IQSEC1: variants seen among roughly 807,000 people sequenced by gnomAD.
The protein encoded by IQSEC1 is IQ motif and Sec7 domain ArfGEF 1.
A neutral mutation model predicts 91.0 loss-of-function variants in IQSEC1; 31 were observed. That is an observed-to-expected ratio of 0.34 (90% CI 0.26 to 0.46). The LOEUF is 0.46. IQSEC1 is among the 20% of genes least tolerant of loss of function. The pLI, the probability that IQSEC1 is intolerant of heterozygous loss-of-function variation, is 1.00. For synonymous variants in IQSEC1, 699 were observed against 662.6 expected (o/e 1.05, Z -0.84); for missense variants, 1,388 against 1,575.6 (o/e 0.88, Z 2.02).
chr3:12,919,316 G>A (rs1696394591), intron 6 of IQSEC1, among the ~76,000 whole-genome samples: 1 of 152,216 alleles, frequency 6.6e-6, no homozygotes, highest in Non-Finnish European at 1.5e-5. Context: ...CTGTCCATGA[G>A]CTCTAAGCCA....
At chr3:13,102,235 A>T (rs1706078132) in intron 2 of IQSEC1, among the ~76,000 whole-genome samples, 1 of 152,130 alleles carries the variant, frequency 6.6e-6, no homozygotes, top group Non-Finnish European at 1.5e-5. Flanking sequence ...GGAGTCAGTG[A>T]TGGAGCCACT....
At chr3:12,931,623 T>A (rs56285367) in intron 3 of IQSEC1, among the ~76,000 whole-genome samples, 1 of 152,212 alleles carries the variant, frequency 6.6e-6, no homozygotes, top group African/African-American at 2.4e-5. Context: ...AGGGGTACTC[T>A]CTGAGCCCTG....
chr3:13,175,110 T>C (rs938139208), intron 1 of IQSEC1, among the ~76,000 whole-genome samples: 2 of 152,062 alleles, frequency 1.3e-5, no homozygotes, highest in Non-Finnish European at 1.5e-5. Flanking sequence ...ACCAGATGGA[T>C]CCCTGGAAGT....
intron 1 of IQSEC1, chr3:12,995,116 G>A (rs531591729): frequency 6.6e-6 from 1 of 152,368 alleles, no homozygotes; most frequent in East Asian, 1.9e-4. Context: ...GTCAGGTGGC[G>A]GGCTGCGATT....
intron 2 of IQSEC1, among the ~76,000 whole-genome samples, chr3:13,087,412 G>T (rs1307137012): frequency 6.6e-6 from 1 of 152,182 alleles, no homozygotes; most frequent in Non-Finnish European, 1.5e-5. Context: ...GTGTGTGCAG[G>T]AGGTCTGCAG....
chr3:13,189,476 C>T (rs112638946), intron 1 of IQSEC1, among the ~76,000 whole-genome samples: 10 of 152,246 alleles, frequency 6.6e-5, no homozygotes, highest in African/African-American at 2.2e-4. Context: ...CTGCCAGGAC[C>T]CTCCTCCTGA....
upstream of IQSEC1, among the ~76,000 whole-genome samples, chr3:13,077,026 C>T (rs1202952966): frequency 1.2e-5 from 1 of 82,152 alleles, no homozygotes; most frequent in Non-Finnish European, 2.2e-5. Context: ...AAATTTCTTT[C>T]TTTCTTTTTT....
intron 1 of IQSEC1, among the ~76,000 whole-genome samples, chr3:13,002,073 GAAAC>G (rs759987490): frequency 4.0e-5 from 6 of 151,896 alleles, no homozygotes; most frequent in Non-Finnish European, 7.4e-5. Flanking sequence ...ACTCCATCTG[GAAAC>G]AAACAAACAA....
chr3:13,151,739 G>T (rs1052539041), intron 2 of IQSEC1, among the ~76,000 whole-genome samples: 1 of 152,230 alleles, frequency 6.6e-6, no homozygotes, highest in East Asian at 1.9e-4. Flanking sequence ...GCCGAGGCGG[G>T]AGGATCACCT....
intron 1 of IQSEC1, among the ~76,000 whole-genome samples, chr3:12,951,453 A>G (rs1699539116): frequency 1.3e-5 from 2 of 152,022 alleles, no homozygotes; most frequent in Admixed American, 1.3e-4. Flanking sequence ...CTCAAAAAAA[A>G]AAAAAATTAG....
intron 1 of IQSEC1, among the ~76,000 whole-genome samples, chr3:13,174,759 C>T (rs1484866340): frequency 6.6e-6 from 1 of 152,122 alleles, no homozygotes; most frequent in African/African-American, 2.4e-5. Context: ...AAGCTCACAG[C>T]CCCCTCAGAG....
intron 1 of IQSEC1, among the ~76,000 whole-genome samples, chr3:13,178,233 T>A (rs1242738263): frequency 6.6e-6 from 1 of 152,274 alleles, no homozygotes; most frequent in African/African-American, 2.4e-5. Flanking sequence ...CTGTGCCAAG[T>A]GCTGGAGATT....
chr3:13,171,962 A>G (rs915781354), intron 1 of IQSEC1, among the ~76,000 whole-genome samples: 9 of 152,148 alleles, frequency 5.9e-5, no homozygotes, highest in African/African-American at 2.2e-4. Flanking sequence ...CACCTGGACA[A>G]GAGCACAAAA....
rs575129307 is a variant in IQSEC1 at position 13,114,153 on chromosome 3, G to C, written c.302+49951C>G. ...CCAGGCTGGGCCAGAAGTGACTTCA[G>C]CCTCATTTTGGCTTGAATGAGTCTG... On this transcript the variant is annotated intron_variant, in intron 2 of 15. Transcript: ENST00000648114. Among the ~76,000 whole-genome samples, 10 of 152,376 alleles carry C rather than the reference G, an allele frequency of 6.6e-5. No homozygotes were observed. The East Asian group carries it at 1.9e-3, about 29-fold the overall frequency.
chr3:13,024,371 CTCCATCCATCCATCCATCCA>C lies in IQSEC1; in HGVS notation c.23+48601_23+48620del, dbSNP rs55811710. 9.6e-4 allele frequency among the ~76,000 whole-genome samples: 137 copies of C among 142,080 alleles called. 1 individual carries two copies. Among genetic ancestry groups the C allele is most frequent in the South Asian group, 2.8e-3 (12 of 4,244 alleles). 93.2% of individuals were successfully genotyped at this position (142,080 alleles called of 152,430 possible). On this transcript the variant is annotated intron_variant, in intron 1 of 13. Coordinates refer to ENST00000613206, the MANE Select transcript of IQSEC1 (RefSeq NM_001134382.3). ...CACCCGCACATACACCCATCCATCA[CTCCATCCATCCATCCATCCA>C]TCCATCCATCCATCCATCCATCCAT...
chr3:12,943,724 C>T (rs1334775651), intron 1 of IQSEC1, among the ~76,000 whole-genome samples: 1 of 152,234 alleles, frequency 6.6e-6, no homozygotes, highest in African/African-American at 2.4e-5. Flanking sequence ...ACCCCAGTGC[C>T]CAGTGCAGAA....
intron 1 of IQSEC1, among the ~76,000 whole-genome samples, chr3:12,947,098 G>T (rs1293279717): frequency 6.6e-6 from 1 of 152,344 alleles, no homozygotes; most frequent in South Asian, 2.1e-4. Context: ...CAAGAGCTGG[G>T]GCTGTGCAGC....
At chr3:13,039,533 A>G (rs2125034626) in intron 1 of IQSEC1, among the ~76,000 whole-genome samples, 1 of 152,298 alleles carries the variant, frequency 6.6e-6, no homozygotes, top group South Asian at 2.1e-4. Context: ...TTCCTGGGGA[A>G]GGATCCGTTT....
chr3:12,917,360 A>G (rs940584461), intron 6 of IQSEC1, among the ~76,000 whole-genome samples: 2 of 152,212 alleles, frequency 1.3e-5, no homozygotes, highest in South Asian at 2.1e-4. Flanking sequence ...CACGCAGAAC[A>G]GTGTCACCGC....
Sources: gnomAD v4.1 joint callset for allele counts (sites outside exome capture counted in the v4.1 genomes callset) on GRCh38, gnomAD v4.1.1 for gene constraint, MANE v1.5 for transcripts, NCBI Gene and HGNC (gene_info 2026-07-23, HGNC 2026-07-21) for gene names.